Variants in DTNA observed in about 807,000 individuals in gnomAD.
DTNA encodes the protein dystrobrevin alpha.
Under a neutral mutation model 100.7 loss-of-function variants are expected in DTNA, and 43 were observed. That is an observed-to-expected ratio of 0.43 (90% CI 0.33 to 0.55). The LOEUF (loss-of-function observed/expected upper bound fraction) is 0.55. Among genes scored for constraint, DTNA ranks in the 20% least tolerant of loss-of-function variants. The pLI is 0.04. For missense variants in DTNA, 798 were observed against 953.9 expected, an observed-to-expected ratio of 0.84 and a Z score of 2.15; for synonymous variants, 349 against 347.9, an observed-to-expected ratio of 1.00 and a Z score of -0.04.
At chr18:34,753,053 T>C (rs1046302556) in intron 1 of DTNA, among the ~76,000 whole-genome samples, 8 of 152,240 alleles carry the variant, frequency 5.3e-5, no homozygotes, top group Non-Finnish European at 8.8e-5. Context: ...TGTTTTGCTG[T>C]TTTCTCTCTT....
At chr18:34,580,032 G>C (rs2048470722) in intron 1 of DTNA, among the ~76,000 whole-genome samples, 1 of 151,728 alleles carries the variant, frequency 6.6e-6, no homozygotes, top group Non-Finnish European at 1.5e-5. Flanking sequence ...TAGTGTTTCA[G>C]TTTGGATGAT....
intron 1 of DTNA, among the ~76,000 whole-genome samples, chr18:34,573,659 G>A (rs1472808219): frequency 1.3e-5 from 2 of 152,104 alleles, no homozygotes; most frequent in South Asian, 2.1e-4. Context: ...TGGCTCAATC[G>A]AGGTAATTAA....
intron 5 of DTNA, among the ~76,000 whole-genome samples, chr18:34,809,965 A>G (rs939222545): frequency 2.0e-5 from 3 of 152,134 alleles, no homozygotes; most frequent in African/African-American, 7.2e-5. Flanking sequence ...ATGGCAACCT[A>G]AACATAAACT....
Position 34,827,525 on chromosome 18 carries a change from G to A in DTNA, c.1002-68G>A. 6 of 1,445,200 alleles carry A rather than the reference G, an allele frequency of 4.2e-6. No homozygotes were observed. In the South Asian group the frequency reaches 5.7e-5, roughly 14 times the overall value. The allele number at this position is 1,445,200 out of a possible 1,614,324, so 89.5% of individuals were successfully genotyped here. ...TTCCCATCCCGTTTCCTGGAGGGAT[G>A]AGGGAGAGTTTTAAATTTGTGACTT... On this transcript the variant is annotated intron_variant, in intron 9 of 22. Transcript: ENST00000444659.
intron 1 of DTNA, among the ~76,000 whole-genome samples, chr18:34,508,951 T>C (rs1319577070): frequency 6.6e-6 from 1 of 152,140 alleles, no homozygotes; most frequent in Non-Finnish European, 1.5e-5. Flanking sequence ...ATATTCTTGG[T>C]TTAGAAAAAT....
At chr18:34,502,042 C>A (rs1467998094) in intron 1 of DTNA, among the ~76,000 whole-genome samples, 1 of 152,190 alleles carries the variant, frequency 6.6e-6, no homozygotes, top group Non-Finnish European at 1.5e-5. Context: ...AGGACTTCAA[C>A]ATATGAATTT....
intron 1 of DTNA, among the ~76,000 whole-genome samples, chr18:34,589,283 A>C: frequency 6.6e-6 from 1 of 152,120 alleles, no homozygotes; most frequent in East Asian, 1.9e-4. Context: ...TAAACAAATT[A>C]ATATTCCGTT....
intron 1 of DTNA, among the ~76,000 whole-genome samples, chr18:34,531,384 C>T (rs568753709): frequency 6.6e-6 from 1 of 152,054 alleles, no homozygotes; most frequent in Admixed American, 6.6e-5. Flanking sequence ...GATAGGGCCT[C>T]CTGGTGCATT....
At chr18:34,621,549 T>A (rs1599172356) in intron 1 of DTNA, among the ~76,000 whole-genome samples, 1 of 150,852 alleles carries the variant, frequency 6.6e-6, no homozygotes, top group Non-Finnish European at 1.5e-5. Flanking sequence ...TTGAAGGACA[T>A]CATGTTAAGT....
chr18:34,741,687 T>C (rs1390326410), intron 1 of DTNA, among the ~76,000 whole-genome samples: 1 of 152,194 alleles, frequency 6.6e-6, no homozygotes, highest in Non-Finnish European at 1.5e-5. Context: ...AAATTTGAGT[T>C]TCTGTTTTAT....
chr18:34,732,093 T>C (rs955621749), intron 1 of DTNA, among the ~76,000 whole-genome samples: 4 of 152,218 alleles, frequency 2.6e-5, no homozygotes, highest in African/African-American at 9.7e-5. Flanking sequence ...AAAGAGAATA[T>C]TTATTTGCCT....
chr18:34,594,372 A>G (rs900847880), intron 1 of DTNA, among the ~76,000 whole-genome samples: 9 of 152,220 alleles, frequency 5.9e-5, no homozygotes, highest in African/African-American at 2.2e-4. Context: ...CTGCTCTTAG[A>G]GACAGCTCTT....
Position 34,685,052 on chromosome 18 carries a change from TC to T in DTNA, c.-1-70923del, listed in dbSNP as rs570188656. 2.6e-4 allele frequency among the ~76,000 whole-genome samples: 40 copies of T among 152,332 alleles called. No homozygotes were observed. In the East Asian group the frequency reaches 5.6e-3, roughly 21 times the overall value. On this transcript the variant is annotated intron_variant, in intron 1 of 19. Transcript: ENST00000283365. ...GTAGATTCTGGATATTAGCCCTTTG[TC>T]AGATGGATAGATTGCAAAAATTTTC... is the stretch of plus-strand genomic sequence containing the variant.
chr18:34,807,461 G>A (rs1243962579), intron 5 of DTNA, among the ~76,000 whole-genome samples: 1 of 152,134 alleles, frequency 6.6e-6, no homozygotes, highest in Non-Finnish European at 1.5e-5. Context: ...ACAGCACAAG[G>A]CTCACCTGCT....
intron 1 of DTNA, among the ~76,000 whole-genome samples, chr18:34,657,621 A>T (rs2074577592): frequency 6.6e-6 from 1 of 152,220 alleles, no homozygotes; most frequent in South Asian, 2.1e-4. Context: ...TTAAATGGAT[A>T]CACTAAATTT....
chr18:34,851,101 T>C (rs2096469725), intron 14 of DTNA, among the ~76,000 whole-genome samples: 2 of 152,172 alleles, frequency 1.3e-5, no homozygotes, highest in East Asian at 3.8e-4. Flanking sequence ...ACTATATTTT[T>C]ATTTATTTAT....
At chr18:34,634,801 T>C (rs1170361396) in intron 1 of DTNA, among the ~76,000 whole-genome samples, 1 of 152,186 alleles carries the variant, frequency 6.6e-6, no homozygotes. Flanking sequence ...ACATATGCAC[T>C]ACCTCCTTTT....
intron 1 of DTNA, among the ~76,000 whole-genome samples, chr18:34,640,624 C>A (rs1284905085): frequency 6.6e-6 from 1 of 152,182 alleles, no homozygotes; most frequent in Non-Finnish European, 1.5e-5. Flanking sequence ...CTTGATAGTC[C>A]TACCAATCTT....
intron 1 of DTNA, among the ~76,000 whole-genome samples, chr18:34,540,524 T>C (rs1295412071): frequency 6.6e-6 from 1 of 152,034 alleles, no homozygotes; most frequent in Non-Finnish European, 1.5e-5. Flanking sequence ...ATACAGTGGA[T>C]GGACAGTGAC....
Sources: allele counts gnomAD v4.1 joint callset (sites outside exome capture counted in the v4.1 genomes callset), GRCh38; gene constraint gnomAD v4.1.1; transcripts MANE v1.5; gene names NCBI Gene and HGNC (gene_info 2026-07-23, HGNC 2026-07-21).